ST7: variants seen among roughly 807,000 people sequenced by gnomAD.
ST7 encodes suppressor of tumorigenicity 7 protein.
ST7 carries 28 observed loss-of-function variants against 78.7 expected under a neutral mutation model. That is an observed-to-expected ratio of 0.36 (90% confidence interval 0.26 to 0.49). ST7 has a LOEUF of 0.49. Ranked by LOEUF, ST7 falls within the 20% of genes least tolerant of loss-of-function variation. The pLI is 0.99. For synonymous variants in ST7, 247 were observed against 249.6 expected, an observed-to-expected ratio of 0.99 and a Z score of 0.10; for missense variants, 418 against 696.0, an observed-to-expected ratio of 0.60 and a Z score of 4.49.
At chr7:117,209,642 T>C in intron 12 of ST7, 145 bp from the exon 13 acceptor site, 1 of 895,608 alleles carries the variant, frequency 1.1e-6, no homozygotes, top group Non-Finnish European at 1.7e-6. Flanking sequence ...GTTTTAGTAA[T>C]TGCCTTCAAA....
At chr7:117,147,866 T>C (rs1805934005) in intron 9 of ST7, among the ~76,000 whole-genome samples, 1 of 151,646 alleles carries the variant, frequency 6.6e-6, no homozygotes, top group South Asian at 2.1e-4. Context: ...ATTGATTGAT[T>C]TTTTTCTTTA....
At chr7:117,096,863 T>TTGTA (rs1450797427) in intron 1 of ST7, among the ~76,000 whole-genome samples, 5 of 152,350 alleles carry the variant, frequency 3.3e-5, no homozygotes, top group Non-Finnish European at 5.9e-5. Context: ...GTGTTTCTGT[T>TTGTA]TCTGCTTCTC....
rs146740594 is a variant in ST7, at chr7:117,209,665, G to A, written c.1255-122G>A. 6.5e-3 allele frequency: 7,270 copies of A among 1,115,476 alleles called. 35 individuals carry two copies. Among genetic ancestry groups the A allele is most frequent in the Non-Finnish European group, 7.9e-3 (6,234 of 790,846 alleles). The allele number at this position is 1,115,476 out of a possible 1,614,324, so 69.1% of individuals were successfully genotyped here. On this transcript the variant is annotated intron_variant, in intron 12 of 15. Transcript: ENST00000323984. The stretch of plus-strand genomic sequence containing the variant: ...AATTGCCTTCAAATGTAGTAATGAG[G>A]TTGCAGGTTTAATGAAATGCTTATA...
chr7:117,175,441 C>T (rs1453704994), intron 10 of ST7, among the ~76,000 whole-genome samples: 1 of 152,104 alleles, frequency 6.6e-6, no homozygotes, highest in Non-Finnish European at 1.5e-5. Flanking sequence ...AGGAGAATCT[C>T]GTACAGCAAG....
intron 1 of ST7, among the ~76,000 whole-genome samples, chr7:117,027,743 A>G (rs1404890109): frequency 6.6e-6 from 1 of 152,022 alleles, no homozygotes. Context: ...TATAAAATAA[A>G]CACACCAGTC....
chr7:117,151,632 A>G (rs186919530), intron 9 of ST7, among the ~76,000 whole-genome samples: 31 of 152,166 alleles, frequency 2.0e-4, no homozygotes, highest in Middle Eastern at 3.4e-3. Context: ...TATTGTCTGT[A>G]TTCCCCACCT....
At chr7:117,204,766 G>A (rs1048484624) in intron 12 of ST7, among the ~76,000 whole-genome samples, 1 of 152,108 alleles carries the variant, frequency 6.6e-6, no homozygotes, top group Non-Finnish European at 1.5e-5. Flanking sequence ...TTGTAGGCAT[G>A]AAAAAAATTT....
chr7:117,103,003 T>C (rs765630787), intron 2 of ST7, among the ~76,000 whole-genome samples: 1 of 151,992 alleles, frequency 6.6e-6, no homozygotes, highest in African/African-American at 2.4e-5. Context: ...ATAAAATACC[T>C]AGGAATTAAT....
At chr7:117,159,886 C>T (rs1806992703) in intron 9 of ST7, among the ~76,000 whole-genome samples, 1 of 147,120 alleles carries the variant, frequency 6.8e-6, no homozygotes, top group Admixed American at 6.8e-5. Flanking sequence ...GAGCAAGAAA[C>T]TCCGTCTCAA....
chr7:117,193,802 A>G (rs1268084131), intron 12 of ST7, among the ~76,000 whole-genome samples: 1 of 152,244 alleles, frequency 6.6e-6, no homozygotes, highest in Non-Finnish European at 1.5e-5. Context: ...GCTGTATTGC[A>G]TAATTGTCAT....
rs145380889 is a variant in ST7, at chr7:117,101,174, G to A, written c.234+1330G>A. Among the ~76,000 whole-genome samples, 79 of 152,290 alleles carry A rather than the reference G, an allele frequency of 5.2e-4. No individual in the cohort carries two copies. The East Asian group carries it at 0.014, about 27-fold the overall frequency. ...AGAACATCCAGGTTCATCTTGCTTT[G>A]CTGTGTCATATGGATTGTTAAACTC... On this transcript the variant is annotated intron_variant, in intron 2 of 15. Transcript: ENST00000323984.
intron 2 of ST7, among the ~76,000 whole-genome samples, chr7:117,114,162 C>T (rs1273041226): frequency 6.6e-6 from 1 of 151,706 alleles, no homozygotes; most frequent in Non-Finnish European, 1.5e-5. Flanking sequence ...ATCTAGGAAG[C>T]AGGAGGCCAA....
chr7:117,110,772 C>G (rs1802365756), intron 2 of ST7, among the ~76,000 whole-genome samples: 1 of 152,190 alleles, frequency 6.6e-6, no homozygotes, highest in African/African-American at 2.4e-5. Flanking sequence ...CTTTTTAACT[C>G]AAAGATGGGG....
intron 1 of ST7, chr7:116,972,985 C>T (rs1793510653): frequency 2.6e-6 from 2 of 779,456 alleles, no homozygotes; most frequent in Admixed American, 2.0e-5. Context: ...CTCTCCCTCA[C>T]CCATTTGTTT....
chr7:117,216,178 T>C (rs533285262), intron 13 of ST7, among the ~76,000 whole-genome samples: 3 of 152,270 alleles, frequency 2.0e-5, no homozygotes, highest in African/African-American at 7.2e-5. Flanking sequence ...AAGACAGCAT[T>C]GTGCCACAGA....
chr7:117,192,938 G>A (rs191536672), intron 12 of ST7, among the ~76,000 whole-genome samples: 5 of 152,234 alleles, frequency 3.3e-5, no homozygotes, highest in African/African-American at 1.2e-4. Flanking sequence ...ACTGAGAGAA[G>A]GCAGGGTAAA....
chr7:117,083,162 C>T (rs114286898), intron 1 of ST7, among the ~76,000 whole-genome samples: 1,537 of 151,648 alleles, frequency 0.01, 36 homozygotes, highest in African/African-American at 0.036. Context: ...CAGTTTCAAG[C>T]GATTCTCTTG....
At chr7:116,974,042 G>A (rs1409264273) in intron 1 of ST7, among the ~76,000 whole-genome samples, 1 of 152,092 alleles carries the variant, frequency 6.6e-6, no homozygotes, top group Non-Finnish European at 1.5e-5. Context: ...GGAAATGCCA[G>A]CAGGAGGAAT....
At chr7:117,110,328 T>C (rs558456911) in intron 2 of ST7, among the ~76,000 whole-genome samples, 1 of 152,328 alleles carries the variant, frequency 6.6e-6, no homozygotes, top group African/African-American at 2.4e-5. Context: ...TGTTTATACA[T>C]TCCTCCTCTC....
Sources: gnomAD v4.1 joint callset for allele counts (sites outside exome capture counted in the v4.1 genomes callset) on GRCh38, gnomAD v4.1.1 for gene constraint, MANE v1.5 for transcripts, NCBI Gene and HGNC (gene_info 2026-07-23, HGNC 2026-07-21) for gene names.